DCUN1D1: variants seen among roughly 807,000 people sequenced by gnomAD.
DCUN1D1 encodes the protein DCN1-like protein 1.
In DCUN1D1, 3 loss-of-function variants were observed where a neutral mutation model predicts 39.0. The ratio of observed to expected loss-of-function variants is 0.08; its 90% CI spans 0.04 to 0.20. The LOEUF is 0.20. DCUN1D1 is among the 10% of genes least tolerant of loss of function. The pLI is 1.00. For synonymous variants in DCUN1D1, 82 were observed against 96.3 expected (o/e 0.85, Z 0.87); for missense variants, 158 against 302.4 (o/e 0.52, Z 3.54).
In DCUN1D1 at chr3:182,958,269, C is replaced by T. The variant is rs1420159264; in HGVS notation, c.520+2957G>A. ...ATGATTTGTCTCTTACTACATTTTT[C>T]TTTTTTTTAATTAATAGACTTTTTT... is the stretch of plus-strand genomic sequence containing the variant. On this transcript the variant is annotated intron_variant, in intron 4 of 6. Coordinates refer to ENST00000292782, the MANE Select transcript of DCUN1D1 (RefSeq NM_020640.4). Among the ~76,000 whole-genome samples the T allele has an allele frequency of 2.6e-5, 4 of 151,130 alleles. No individual in the cohort carries two copies. In the East Asian group the frequency reaches 7.7e-4, roughly 29 times the overall value.
chr3:182,939,114 A>G lies in DCUN1D1; in HGVS notation c.*5980T>C, dbSNP rs1204020219. 1 of 152,250 alleles carries G rather than the reference A, an allele frequency of 6.6e-6. No individual in the cohort carries two copies. The highest frequency in any genetic ancestry group is 1.5e-5 in the Non-Finnish European group (1 of 68,050). 9.4% of individuals were successfully genotyped at this position (152,250 alleles called of 1,614,324 possible). A position where few individuals can be genotyped will look rare whatever the true frequency, so the allele number is the denominator to read the frequency against. On this transcript the variant is annotated 3_prime_UTR_variant, in exon 7 of 7. Coordinates refer to ENST00000292782, the MANE Select transcript of DCUN1D1 (RefSeq NM_020640.4). Reference sequence around the variant, plus strand: ...CGCTGAGGCCACTTGAAACTCACTCAAACTGCACATCCAATCGATACACGA... The same window carrying G: ...CGCTGAGGCCACTTGAAACTCACTCGAACTGCACATCCAATCGATACACGA...
At position 182,944,282 on chromosome 3, in the gene DCUN1D1, A is replaced by C. The variant is rs1726282676; in HGVS notation, c.*812T>G. On this transcript the variant is annotated 3_prime_UTR_variant, in exon 7 of 7. Coordinates refer to ENST00000292782, the MANE Select transcript of DCUN1D1 (RefSeq NM_020640.4). ...ACAGGCAGATAAGCATTTCAAAAGC[A>C]TAATGAAGTCCAATTATGTAGTGCA... 6.5e-6 allele frequency: 1 copy of C among 152,820 alleles called. No individual in the cohort carries two copies. Among genetic ancestry groups the C allele is most frequent in the East Asian group, 1.9e-4 (1 of 5,196 alleles). The allele number at this position is 152,820 out of a possible 1,614,324, so 9.5% of individuals were successfully genotyped here.
In DCUN1D1 at chr3:182,947,628, T is replaced by G; in HGVS notation, c.525A>C (p.Leu175=). 6.5e-7 allele frequency: 1 copy of G among 1,535,996 alleles called. No homozygotes were observed. The highest frequency in any genetic ancestry group is 1.4e-5 in the African/African-American group (1 of 72,990). ...AKNPGQKGLD[L]EMAIAYWNLV... ...AGTTCCAGTAGGCAATGGCCATTTCTAGATCTGAAATAGTAAAAATGAATT... is the reference window on the plus strand; with the variant it reads ...AGTTCCAGTAGGCAATGGCCATTTCGAGATCTGAAATAGTAAAAATGAATT... Residue 175 remains leucine, a synonymous_variant, in exon 5 of 7, where the codon CTA becomes CTC. Transcript: ENST00000292782.
chr3:182,983,812 A>G (rs1351310647), upstream of DCUN1D1, among the ~76,000 whole-genome samples: 1 of 152,128 alleles, frequency 6.6e-6, no homozygotes. Flanking sequence ...TTACCACATT[A>G]TATTTCCCAC....
chr3:182,957,849 G>A (rs980771100), intron 4 of DCUN1D1, among the ~76,000 whole-genome samples: 2 of 144,286 alleles, frequency 1.4e-5, no homozygotes, highest in African/African-American at 5.1e-5. Flanking sequence ...GAGGCAGGAG[G>A]ATCACTTGAG....
At chr3:182,953,516 T>C (rs1246856499) in intron 4 of DCUN1D1, among the ~76,000 whole-genome samples, 4 of 152,198 alleles carry the variant, frequency 2.6e-5, no homozygotes, top group Non-Finnish European at 5.9e-5. Flanking sequence ...GACTTCTCCT[T>C]GATTCAGTTT....
intron 1 of DCUN1D1, among the ~76,000 whole-genome samples, chr3:182,972,048 G>A (rs1727965127): frequency 7.0e-6 from 1 of 143,222 alleles, no homozygotes; most frequent in African/African-American, 2.6e-5. Context: ...CTTCTATTTA[G>A]GGTTTTTTTT....
intron 4 of DCUN1D1, among the ~76,000 whole-genome samples, chr3:182,951,915 C>T (rs180858862): frequency 6.6e-6 from 1 of 152,092 alleles, no homozygotes; most frequent in African/African-American, 2.4e-5. Context: ...AGTCTGGTCT[C>T]GAACTTCTGA....
At chr3:182,953,898 G>C (rs976701330) in intron 4 of DCUN1D1, among the ~76,000 whole-genome samples, 1 of 152,152 alleles carries the variant, frequency 6.6e-6, no homozygotes. Flanking sequence ...CTTTCAAAGA[G>C]AATCAACAAG....
At chr3:182,948,418 G>T (rs1451861602) in intron 4 of DCUN1D1, among the ~76,000 whole-genome samples, 1 of 151,484 alleles carries the variant, frequency 6.6e-6, no homozygotes, top group African/African-American at 2.4e-5. Context: ...CTTACCACAC[G>T]ACAGAGAACT....
At chr3:182,980,405 G>T (rs1330025333) in intron 1 of DCUN1D1, 82 bp downstream of exon 1, 1 of 983,710 alleles carries the variant, frequency 1.0e-6, no homozygotes, top group Non-Finnish European at 1.2e-6. Context: ...GGTCGCCGCG[G>T]GACGGAGGGC....
intron 1 of DCUN1D1, chr3:182,980,118 C>G (rs934943412): frequency 1.1e-6 from 1 of 947,072 alleles, no homozygotes; most frequent in African/African-American, 1.8e-5. Context: ...ACAATGGAGC[C>G]GGCAGAGGGG....
chr3:182,980,146 C>T (rs905793912), intron 1 of DCUN1D1: 6 of 566,838 alleles, frequency 1.1e-5, no homozygotes, highest in African/African-American at 2.0e-5. Flanking sequence ...AAGGCCGTTG[C>T]CCCCTCCCCT....
chr3:182,976,679 T>C (rs371633274), intron 1 of DCUN1D1, among the ~76,000 whole-genome samples: 8 of 152,272 alleles, frequency 5.3e-5, no homozygotes, highest in African/African-American at 1.9e-4. Context: ...ACTTAACACC[T>C]TCTAACATAG....
At chr3:182,948,478 C>T (rs576677631) in intron 4 of DCUN1D1, among the ~76,000 whole-genome samples, 14 of 152,004 alleles carry the variant, frequency 9.2e-5, no homozygotes, top group Non-Finnish European at 1.8e-4. Flanking sequence ...CAGAGAACTA[C>T]GCTTACCACA....
At chr3:182,947,030 G>A (rs757934439) in intron 6 of DCUN1D1, among the ~76,000 whole-genome samples, 8 of 152,132 alleles carry the variant, frequency 5.3e-5, no homozygotes, top group Non-Finnish European at 1.2e-4. Flanking sequence ...GAGCCCAGGA[G>A]TTTGAAGACT....
At position 182,980,476 on chromosome 3, in the gene DCUN1D1, C is replaced by T. The variant is rs757593226; in HGVS notation, c.3+11G>A. The T allele has an allele frequency of 2.5e-6, 3 of 1,199,204 alleles. No individual in the cohort carries two copies. The highest frequency in any genetic ancestry group is 6.0e-5 in the Admixed American group (2 of 33,120). The allele number at this position is 1,199,204 out of a possible 1,614,324, so 74.3% of individuals were successfully genotyped here. A position where few individuals can be genotyped will look rare whatever the true frequency, so the allele number is the denominator to read the frequency against. The stretch of plus-strand genomic sequence containing the variant: ...AGCCGGCAGGGCGGGCGGGCGGCCG[C>T]AGTGCCTCACCATGTTGGTGTCCTC... On this transcript the variant is annotated intron_variant, in intron 1 of 6. Coordinates refer to ENST00000292782, the MANE Select transcript of DCUN1D1 (RefSeq NM_020640.4).
chr3:182,968,693 A>T (rs918071304), intron 1 of DCUN1D1, among the ~76,000 whole-genome samples: 1 of 151,650 alleles, frequency 6.6e-6, no homozygotes, highest in South Asian at 2.1e-4. Flanking sequence ...TCCATCTCCC[A>T]GGCTCAAGCG....
At chr3:182,975,936 G>C (rs1728215876) in intron 1 of DCUN1D1, among the ~76,000 whole-genome samples, 1 of 149,610 alleles carries the variant, frequency 6.7e-6, no homozygotes, top group South Asian at 2.1e-4. Flanking sequence ...TAAATTGTCT[G>C]ACTAGTAGAG....
Sources: gnomAD v4.1 joint callset for allele counts (sites outside exome capture counted in the v4.1 genomes callset) on GRCh38, gnomAD v4.1.1 for gene constraint, MANE v1.5 for transcripts, NCBI Gene and HGNC (gene_info 2026-07-23, HGNC 2026-07-21) for gene names.